NTNG1: variants seen among roughly 807,000 people sequenced by gnomAD.
The protein encoded by NTNG1 is netrin G1.
Under a neutral mutation model 54.0 loss-of-function variants are expected in NTNG1, and 16 were observed. The observed-to-expected ratio is 0.30, with a 90% CI of 0.20 to 0.45. NTNG1 has a LOEUF of 0.45. Among genes scored for constraint, NTNG1 ranks in the 20% least tolerant of loss-of-function variants. The probability of loss-of-function intolerance (pLI) is 1.00; values close to 1 mark genes in which losing one functional copy is unlikely to be tolerated. For synonymous variants in NTNG1, 255 were observed against 263.1 expected (o/e 0.97, Z 0.30); for missense variants, 530 against 678.7 (o/e 0.78, Z 2.43).
intron 2 of NTNG1, among the ~76,000 whole-genome samples, chr1:107,317,727 C>T (rs1254681248): frequency 3.3e-5 from 5 of 152,156 alleles, no homozygotes; most frequent in Non-Finnish European, 7.3e-5. Flanking sequence ...GTTAAGCCCT[C>T]CCGTCTTTAT....
chr1:107,422,182 G>A (rs1240470725), intron 5 of NTNG1, among the ~76,000 whole-genome samples: 1 of 152,044 alleles, frequency 6.6e-6, no homozygotes, highest in African/African-American at 2.4e-5. Flanking sequence ...GGGTTGAGGG[G>A]AACCCAATTA....
intron 2 of NTNG1, among the ~76,000 whole-genome samples, chr1:107,289,449 T>C (rs767174799): frequency 3.9e-4 from 60 of 152,294 alleles, no homozygotes; most frequent in Middle Eastern, 3.4e-3. Context: ...GGCCAATCTT[T>C]AACAGACAGA....
intron 2 of NTNG1, among the ~76,000 whole-genome samples, chr1:107,288,605 A>C (rs1272223530): frequency 6.6e-6 from 1 of 152,178 alleles, no homozygotes; most frequent in Non-Finnish European, 1.5e-5. Flanking sequence ...GAGTAAGGAA[A>C]GGTGGTATAG....
At chr1:107,410,854 T>A (rs1208206161) in intron 5 of NTNG1, among the ~76,000 whole-genome samples, 1 of 152,138 alleles carries the variant, frequency 6.6e-6, no homozygotes, top group Non-Finnish European at 1.5e-5. Context: ...AACATTATAT[T>A]ATAAAAAGCA....
rs557611166 is a variant in NTNG1 at position 107,214,721 on chromosome 1, G to A, written c.246+65882G>A. Among the ~76,000 whole-genome samples, 9 of 151,742 alleles carry A rather than the reference G, an allele frequency of 5.9e-5. No homozygotes were observed. The South Asian group carries it at 1.7e-3, about 28-fold the overall frequency. Reference sequence around the variant, plus strand: ...AGGAATCTTCACACTGTTTGTCATAGTGGTTGTACTAGTTTACATTCCCAC... The same window carrying A: ...AGGAATCTTCACACTGTTTGTCATAATGGTTGTACTAGTTTACATTCCCAC... On this transcript the variant is annotated intron_variant, in intron 2 of 7. Transcript: ENST00000370068.
chr1:107,269,735 G>C (rs1570546761), intron 2 of NTNG1, among the ~76,000 whole-genome samples: 1 of 152,192 alleles, frequency 6.6e-6, no homozygotes, highest in African/African-American at 2.4e-5. Flanking sequence ...GATTCTTATG[G>C]TTGTAAACTT....
At chr1:107,183,993 T>C (rs926702853) in intron 2 of NTNG1, among the ~76,000 whole-genome samples, 1 of 151,952 alleles carries the variant, frequency 6.6e-6, no homozygotes, top group African/African-American at 2.4e-5. Flanking sequence ...GAAGAGCATG[T>C]GAGATAAAAG....
At chr1:107,203,195 AT>A (rs972750568) in intron 2 of NTNG1, among the ~76,000 whole-genome samples, 2 of 145,898 alleles carry the variant, frequency 1.4e-5, no homozygotes, top group Non-Finnish European at 1.5e-5. Flanking sequence ...TCAGTCACTC[AT>A]TTTTTTTTCA....
intron 2 of NTNG1, among the ~76,000 whole-genome samples, chr1:107,269,918 T>C (rs1171048041): frequency 1.3e-5 from 2 of 152,224 alleles, no homozygotes; most frequent in African/African-American, 4.8e-5. Flanking sequence ...CTCACAATAG[T>C]GGTCTAAGCA....
At chr1:107,196,016 A>C (rs953584619) in intron 2 of NTNG1, among the ~76,000 whole-genome samples, 3 of 151,944 alleles carry the variant, frequency 2.0e-5, no homozygotes, top group Non-Finnish European at 4.4e-5. Context: ...GAGGATGGGA[A>C]TTTTTGTACT....
chr1:107,465,342 C>T (rs1021925150), intron 7 of NTNG1, among the ~76,000 whole-genome samples: 1 of 152,202 alleles, frequency 6.6e-6, no homozygotes, highest in Non-Finnish European at 1.5e-5. Context: ...TATAGACGGA[C>T]TGCTCTGTCA....
chr1:107,179,154 T>A (rs1376851081), intron 2 of NTNG1, among the ~76,000 whole-genome samples: 2 of 152,150 alleles, frequency 1.3e-5, no homozygotes, highest in East Asian at 3.9e-4. Context: ...AATAAGACAA[T>A]GTACCACACT....
At chr1:107,349,985 T>C (rs1212040355) in intron 3 of NTNG1, among the ~76,000 whole-genome samples, 1 of 152,324 alleles carries the variant, frequency 6.6e-6, no homozygotes, top group East Asian at 1.9e-4. Context: ...AAATAACCCC[T>C]ACTTTTCTTC....
At chr1:107,304,206 T>C (rs1666516350) in intron 2 of NTNG1, among the ~76,000 whole-genome samples, 1 of 152,114 alleles carries the variant, frequency 6.6e-6, no homozygotes, top group Admixed American at 6.5e-5. Flanking sequence ...TTTCTTTTTC[T>C]TTCTGGCATT....
At chr1:107,397,348 T>C (rs1672744975) in intron 4 of NTNG1, among the ~76,000 whole-genome samples, 1 of 152,188 alleles carries the variant, frequency 6.6e-6, no homozygotes, top group South Asian at 2.1e-4. Flanking sequence ...GGTCCAGTCT[T>C]GCAATGGGAA....
At chr1:107,480,583 C>T (rs770271089) in intron 7 of NTNG1, 28 bp from the exon 8 acceptor site, 1 of 744,746 alleles carries the variant, frequency 1.3e-6, no homozygotes, top group Non-Finnish European at 2.3e-6. Flanking sequence ...CGCGCCCACC[C>T]ACCCCTACCT....
intron 2 of NTNG1, among the ~76,000 whole-genome samples, chr1:107,276,883 T>C (rs1439597361): frequency 6.6e-6 from 1 of 152,004 alleles, no homozygotes; most frequent in Non-Finnish European, 1.5e-5. Context: ...TAAAATTTTA[T>C]CTTTGATGGT....
At chr1:107,155,057 A>G (rs138847507) in intron 2 of NTNG1, among the ~76,000 whole-genome samples, 19 of 152,158 alleles carry the variant, frequency 1.2e-4, no homozygotes, top group African/African-American at 1.4e-4. Context: ...ATCACTTGCA[A>G]AGTGTGAGAA....
intron 7 of NTNG1, among the ~76,000 whole-genome samples, 197 bp from the exon 8 acceptor site, chr1:107,480,414 G>A (rs145583156): frequency 3.9e-4 from 59 of 152,190 alleles, no homozygotes; most frequent in Admixed American, 3.5e-3. Context: ...GGACTAATAT[G>A]ATAAAAACAA....
Sources: gnomAD v4.1 joint callset for allele counts (sites outside exome capture counted in the v4.1 genomes callset) on GRCh38, gnomAD v4.1.1 for gene constraint, MANE v1.5 for transcripts, NCBI Gene and HGNC (gene_info 2026-07-23, HGNC 2026-07-21) for gene names.